PDE10A: variants seen among roughly 807,000 people sequenced by gnomAD.
PDE10A encodes the protein cAMP and cAMP-inhibited cGMP 3',5'-cyclic phosphodiesterase 10A.
In PDE10A, 39 loss-of-function variants were observed where a neutral mutation model predicts 97.7. That is an observed-to-expected ratio of 0.40 (90% CI 0.31 to 0.52). The LOEUF is 0.52. PDE10A is among the 20% of genes least tolerant of loss of function. The pLI is 0.56. For missense variants in PDE10A, 731 were observed against 1,047.8 expected, an observed-to-expected ratio of 0.70 and a Z score of 4.17; for synonymous variants, 371 against 376.8, an observed-to-expected ratio of 0.98 and a Z score of 0.18.
At chr6:165,395,431 G>A (rs1786088712) in intron 14 of PDE10A, among the ~76,000 whole-genome samples, 167 bp from the exon 15 acceptor site, 1 of 152,072 alleles carries the variant, frequency 6.6e-6, no homozygotes, top group East Asian at 1.9e-4. Flanking sequence ...AAGATTTCCA[G>A]GAAGAAACTA....
At chr6:165,648,746 G>C (rs1406908392) in intron 1 of PDE10A, among the ~76,000 whole-genome samples, 6 of 152,204 alleles carry the variant, frequency 3.9e-5, no homozygotes, top group Admixed American at 2.6e-4. Flanking sequence ...GAACAGAACA[G>C]TTACACAATA....
intron 1 of PDE10A, among the ~76,000 whole-genome samples, chr6:165,954,902 A>G (rs1784083869): frequency 6.6e-6 from 1 of 152,092 alleles, no homozygotes. Context: ...TGAATTAGCT[A>G]AAGCAACAGG....
At chr6:165,691,193 CTCTCTCTCCCCACACACACACACA>C (rs1791282404) in intron 1 of PDE10A, among the ~76,000 whole-genome samples, 1 of 65,388 alleles carries the variant, frequency 1.5e-5, no homozygotes, top group Non-Finnish European at 3.1e-5. Flanking sequence ...CTCTCCCTCT[CTCTCTCTCCCCACACACACACACA>C]CACACACACA....
chr6:165,332,630 C>T lies in PDE10A; in HGVS notation c.*395G>A. On this transcript the variant is annotated 3_prime_UTR_variant, in exon 22 of 22. Transcript: ENST00000539869. ...TCAAAGCAACATTGATGTTAAAGCC[C>T]AAGTACAATACCATAATAGTACCAT... 5.9e-6 allele frequency: 1 copy of T among 169,890 alleles called. No individual in the cohort carries two copies. The highest frequency in any genetic ancestry group is 1.7e-4 in the South Asian group (1 of 6,040). The allele number at this position is 169,890 out of a possible 1,614,324, so 10.5% of individuals were successfully genotyped here. A position where few individuals can be genotyped will look rare whatever the true frequency, so the allele number is the denominator to read the frequency against.
intron 1 of PDE10A, chr6:165,949,479 C>G (rs1449688442): frequency 1.3e-5 from 2 of 151,164 alleles, no homozygotes; most frequent in South Asian, 4.2e-4. Context: ...ACTGGTGCAA[C>G]ACATCGGATG....
chr6:165,803,395 C>T (rs1779032121), intron 1 of PDE10A, among the ~76,000 whole-genome samples: 1 of 152,204 alleles, frequency 6.6e-6, no homozygotes, highest in African/African-American at 2.4e-5. Context: ...TATTTAGCTA[C>T]ACTTTTGTGT....
chr6:165,425,797 G>GTGTGTGTGTGTA (rs776240558), intron 10 of PDE10A, among the ~76,000 whole-genome samples: 5 of 151,468 alleles, frequency 3.3e-5, no homozygotes, highest in East Asian at 1.9e-4. Context: ...GTGTGTGTGT[G>GTGTGTGTGTGTA]TGTATGTATG....
At chr6:165,423,187 C>A (rs769386826) in intron 10 of PDE10A, among the ~76,000 whole-genome samples, 1 of 152,122 alleles carries the variant, frequency 6.6e-6, no homozygotes, top group Non-Finnish European at 1.5e-5. Context: ...CCCCCATGTC[C>A]GCTAATTATA....
rs1583745497 is a variant in PDE10A at position 165,662,676 on chromosome 6, C to T, written c.136G>A (p.Gly46Ser). ...GGCCACTCGGGGGCCGGGCCCGGGCCCGCCGCGCTCCCCCCGCCGGCCGCG... is the reference window on the plus strand; with the variant it reads ...GGCCACTCGGGGGCCGGGCCCGGGCTCGCCGCGCTCCCCCCGCCGGCCGCG... ...LSAAGGGSAA[G>S]PGPAPEWPGR... The change falls in exon 1 of 22, where the codon GGC becomes AGC. Residue 46 changes from glycine to serine, a missense_variant. By Grantham distance (56) the Gly-to-Ser change is moderately conservative. Transcript: ENST00000539869. 1 of 143,116 alleles carries T rather than the reference C, an allele frequency of 7.0e-6. No homozygotes were observed. 8.9% of individuals were successfully genotyped at this position (143,116 alleles called of 1,614,324 possible).
At chr6:165,885,968 G>A (rs946116061) in intron 1 of PDE10A, among the ~76,000 whole-genome samples, 6 of 152,142 alleles carry the variant, frequency 3.9e-5, no homozygotes, top group Admixed American at 2.0e-4. Flanking sequence ...AACTTTAGAC[G>A]TCTGTGTATG....
chr6:165,745,605 A>G (rs1394745183), intron 1 of PDE10A, among the ~76,000 whole-genome samples: 1 of 152,238 alleles, frequency 6.6e-6, no homozygotes, highest in Non-Finnish European at 1.5e-5. Context: ...TATTTATAAT[A>G]TAAAACTTAG....
At chr6:165,885,259 C>A (rs764641771) in intron 1 of PDE10A, among the ~76,000 whole-genome samples, 1 of 152,178 alleles carries the variant, frequency 6.6e-6, no homozygotes, top group Admixed American at 6.5e-5. Flanking sequence ...CAGTTCTGCA[C>A]GGCAGAGGAG....
chr6:165,493,052 T>A (rs1487093906), intron 2 of PDE10A, among the ~76,000 whole-genome samples: 1 of 152,110 alleles, frequency 6.6e-6, no homozygotes, highest in Admixed American at 6.6e-5. Flanking sequence ...GCGACCAAGC[T>A]GAGACTTGAA....
intron 1 of PDE10A, among the ~76,000 whole-genome samples, chr6:165,826,771 G>A (rs1418790050): frequency 6.8e-6 from 1 of 146,922 alleles, no homozygotes; most frequent in African/African-American, 2.5e-5. Context: ...GGAGATGTGC[G>A]GTTGGGAGGG....
chr6:165,501,521 A>C (rs1353456680), intron 2 of PDE10A, among the ~76,000 whole-genome samples: 3 of 151,786 alleles, frequency 2.0e-5, no homozygotes, highest in East Asian at 1.9e-4. Flanking sequence ...TGCAGTGAGC[A>C]GAGATCGCGC....
chr6:165,734,722 T>C (rs1044050749), intron 1 of PDE10A, among the ~76,000 whole-genome samples: 3 of 152,030 alleles, frequency 2.0e-5, no homozygotes, highest in South Asian at 4.2e-4. Flanking sequence ...TTAAGAGACA[T>C]GGGTACAGAA....
intron 6 of PDE10A, among the ~76,000 whole-genome samples, chr6:165,434,936 A>G (rs1298136167): frequency 1.3e-5 from 2 of 152,218 alleles, no homozygotes; most frequent in Non-Finnish European, 1.5e-5. Context: ...GCATCCCAGC[A>G]AAATATGAAT....
upstream of PDE10A, among the ~76,000 whole-genome samples, chr6:165,667,640 CT>C (rs781734434): frequency 4.3e-3 from 557 of 128,814 alleles, 2 homozygotes; most frequent in African/African-American, 5.6e-3. Flanking sequence ...ATGTGTGTTT[CT>C]TTTTTTTTTT....
At chr6:165,403,164 T>C (rs1239473979) in intron 13 of PDE10A, among the ~76,000 whole-genome samples, 1 of 152,178 alleles carries the variant, frequency 6.6e-6, no homozygotes, top group African/African-American at 2.4e-5. Context: ...CACTGGCCAG[T>C]GACTGTGAAG....
Sources: allele counts gnomAD v4.1 joint callset (sites outside exome capture counted in the v4.1 genomes callset), GRCh38; gene constraint gnomAD v4.1.1; transcripts MANE v1.5; gene names NCBI Gene and HGNC (gene_info 2026-07-23, HGNC 2026-07-21).